Variants in CSMD1 observed in about 807,000 individuals in gnomAD.
CSMD1 encodes CUB and Sushi multiple domains 1.
CSMD1 carries 213 observed loss-of-function variants against 417.5 expected under a neutral mutation model. The observed-to-expected ratio is 0.51, with a 90% CI of 0.46 to 0.57. The LOEUF (loss-of-function observed/expected upper bound fraction) is 0.57. CSMD1 is among the 20% of genes least tolerant of loss of function. CSMD1 has a pLI of 0.00. For missense variants in CSMD1, 6,923 were observed against 4,529.7 expected (o/e 1.53, Z -15.17); for synonymous variants, 2,862 against 1,736.8 (o/e 1.65, Z -16.11).
At chr8:4,276,925 C>G (rs1585143238) in intron 3 of CSMD1, among the ~76,000 whole-genome samples, 2 of 152,072 alleles carry the variant, frequency 1.3e-5, no homozygotes, top group African/African-American at 4.8e-5. Flanking sequence ...GAATTCATTT[C>G]AAAGTAGCCT....
chr8:3,702,677 G>A (rs1394305393), intron 7 of CSMD1, among the ~76,000 whole-genome samples: 1 of 152,066 alleles, frequency 6.6e-6, no homozygotes, highest in Non-Finnish European at 1.5e-5. Context: ...CTAAAAAATA[G>A]AAAAATTAGC....
chr8:4,404,387 A>T (rs909283588), intron 3 of CSMD1, among the ~76,000 whole-genome samples: 1 of 152,160 alleles, frequency 6.6e-6, no homozygotes, highest in Admixed American at 6.5e-5. Context: ...TCAACGCTGT[A>T]TATGTAATCT....
intron 7 of CSMD1, among the ~76,000 whole-genome samples, chr8:3,649,519 G>A (rs966985925): frequency 6.6e-6 from 1 of 152,078 alleles, no homozygotes; most frequent in African/African-American, 2.4e-5. Flanking sequence ...AAAGCAAAGG[G>A]GAAGCAAGGC....
chr8:4,618,820 A>T (rs979711573), intron 2 of CSMD1, among the ~76,000 whole-genome samples: 4 of 152,192 alleles, frequency 2.6e-5, no homozygotes, highest in Admixed American at 2.0e-4. Context: ...AAAACATTAC[A>T]GGATCTTCCA....
chr8:4,218,422 T>C (rs1295590912), intron 3 of CSMD1, among the ~76,000 whole-genome samples: 1 of 152,202 alleles, frequency 6.6e-6, no homozygotes, highest in Non-Finnish European at 1.5e-5. Context: ...CTTTATATTA[T>C]ATACCTACTT....
chr8:3,839,163 C>G (rs1216619161), intron 5 of CSMD1, among the ~76,000 whole-genome samples: 1 of 124,612 alleles, frequency 8.0e-6, no homozygotes, highest in African/African-American at 3.0e-5. Context: ...TCTATAGTCC[C>G]TCTCTCTATA....
intron 5 of CSMD1, among the ~76,000 whole-genome samples, chr8:3,818,533 A>T (rs1016348797): frequency 1.3e-5 from 2 of 152,078 alleles, no homozygotes; most frequent in Non-Finnish European, 2.9e-5. Flanking sequence ...GGGTAGGCTT[A>T]CCCCAAGAAG....
Position 4,945,838 on chromosome 8 carries a change from C to T in CSMD1, c.85+48494G>A, listed in dbSNP as rs574600959. On this transcript the variant is annotated intron_variant, in intron 1 of 69. Transcript: ENST00000635120. ...CCCAGTTTTGGAGAGTCCAAGGTCA[C>T]GCCTTGCCACTGAAACTAGCAGGAT... Among the ~76,000 whole-genome samples the T allele has an allele frequency of 4.6e-5, 7 of 152,230 alleles. No homozygotes were observed. The South Asian group carries it at 6.2e-4, about 14-fold the overall frequency.
chr8:4,992,589 C>G (rs573203225), intron 1 of CSMD1, among the ~76,000 whole-genome samples: 1 of 152,306 alleles, frequency 6.6e-6, no homozygotes, highest in South Asian at 2.1e-4. Flanking sequence ...GCCCTCACCC[C>G]GCTGCGACAC....
intron 3 of CSMD1, among the ~76,000 whole-genome samples, chr8:4,087,924 T>C (rs1012007289): frequency 6.6e-6 from 1 of 152,160 alleles, no homozygotes; most frequent in African/African-American, 2.4e-5. Context: ...GAGGTCAAAA[T>C]TTCCCCTTGT....
chr8:4,743,667 GTTAAT>G (rs1199569750), intron 1 of CSMD1, among the ~76,000 whole-genome samples: 1 of 152,150 alleles, frequency 6.6e-6, no homozygotes, highest in Non-Finnish European at 1.5e-5. Flanking sequence ...TGTGAGTTTA[GTTAAT>G]TTGAGTCAAA....
intron 3 of CSMD1, among the ~76,000 whole-genome samples, chr8:4,040,263 G>T (rs1390701441): frequency 6.6e-6 from 1 of 152,156 alleles, no homozygotes; most frequent in Non-Finnish European, 1.5e-5. Flanking sequence ...ATAATAACCG[G>T]AAATACTTGC....
At chr8:4,442,166 C>A (rs565171125) in intron 2 of CSMD1, among the ~76,000 whole-genome samples, 1 of 152,176 alleles carries the variant, frequency 6.6e-6, no homozygotes, top group Non-Finnish European at 1.5e-5. Context: ...AACACAGCTT[C>A]AAATGCAGGC....
intron 3 of CSMD1, among the ~76,000 whole-genome samples, chr8:4,406,249 C>G (rs932950835): frequency 6.6e-6 from 1 of 152,110 alleles, no homozygotes; most frequent in Non-Finnish European, 1.5e-5. Context: ...GCAAGTGGCT[C>G]TCCTGGTGCA....
intron 3 of CSMD1, among the ~76,000 whole-genome samples, chr8:4,324,718 T>C (rs1799457792): frequency 6.6e-6 from 1 of 152,178 alleles, no homozygotes; most frequent in Non-Finnish European, 1.5e-5. Flanking sequence ...CCATAAGGTG[T>C]TGTTATATAT....
chr8:4,428,161 T>A (rs1585058338), intron 2 of CSMD1, among the ~76,000 whole-genome samples: 2 of 152,214 alleles, frequency 1.3e-5, no homozygotes, highest in African/African-American at 4.8e-5. Context: ...TCTATGTGAA[T>A]CTGGCTTCAC....
chr8:3,275,019 A>C (rs1489769819), intron 26 of CSMD1, among the ~76,000 whole-genome samples: 2 of 138,724 alleles, frequency 1.4e-5, no homozygotes, highest in Admixed American at 7.3e-5. Flanking sequence ...GTTTCTTCCT[A>C]GCCTTGATGG....
chr8:3,246,592 C>T (rs1799896608), intron 26 of CSMD1, among the ~76,000 whole-genome samples: 2 of 152,268 alleles, frequency 1.3e-5, no homozygotes, highest in Middle Eastern at 6.8e-3. Context: ...CTGCCTCAGC[C>T]TCCTGAGTAG....
intron 49 of CSMD1, among the ~76,000 whole-genome samples, chr8:3,072,145 G>T (rs1208768825): frequency 6.6e-6 from 1 of 152,162 alleles, no homozygotes. Flanking sequence ...GAGTCTCAGG[G>T]CATCTGAGAT....
Sources: allele counts gnomAD v4.1 joint callset (sites outside exome capture counted in the v4.1 genomes callset), GRCh38; gene constraint gnomAD v4.1.1; transcripts MANE v1.5; gene names NCBI Gene and HGNC (gene_info 2026-07-23, HGNC 2026-07-21).